The following RASA3 variants were observed in gnomAD, a reference collection of about 807,000 sequenced individuals.
The protein encoded by RASA3 is ras GTPase-activating protein 3.
In RASA3, 73 loss-of-function variants were observed where a neutral mutation model predicts 110.0. That is an observed-to-expected ratio of 0.66 (90% CI 0.55 to 0.81). RASA3 has a LOEUF of 0.81. Ranked by LOEUF, RASA3 falls within the 30% of genes least tolerant of loss-of-function variation. The probability of loss-of-function intolerance (pLI) is 0.00; values close to 1 mark genes in which losing one functional copy is unlikely to be tolerated. For synonymous variants in RASA3, 500 were observed against 451.4 expected, an observed-to-expected ratio of 1.11 and a Z score of -1.37; for missense variants, 976 against 1,113.2, an observed-to-expected ratio of 0.88 and a Z score of 1.75.
chr13:114,064,258 C>T (rs538843124), intron 2 of RASA3, among the ~76,000 whole-genome samples: 6 of 152,340 alleles, frequency 3.9e-5, no homozygotes, highest in East Asian at 1.9e-4. Flanking sequence ...CACGTCACCT[C>T]GTGGGCAGAA....
In RASA3 at chr13:114,065,431, G is replaced by C. The variant is rs994191536; in HGVS notation, c.173+8289C>G. Among the ~76,000 whole-genome samples, 9 of 152,184 alleles carry C rather than the reference G, an allele frequency of 5.9e-5. No homozygotes were observed. The highest frequency in any genetic ancestry group is 5.9e-4 in the Admixed American group (9 of 15,278). ...GTGAAGAGGAACCAAACCCCAAACC[G>C]GGTCTGCGAAGCAGCCCTGGGGCTC... On this transcript the variant is annotated intron_variant, in intron 2 of 23. Transcript: ENST00000334062. The surrounding 1 kb of genome is among the most constrained non-coding windows in gnomAD (Gnocchi z 4.1).
chr13:114,041,784 C>T (rs1264303248), intron 3 of RASA3, among the ~76,000 whole-genome samples: 1 of 152,362 alleles, frequency 6.6e-6, no homozygotes, highest in African/African-American at 2.4e-5. Context: ...TCCCACGCGA[C>T]GTGGGTTGGT....
At chr13:114,033,693 C>CACAGGGGGAATGGA (rs1370484612) in intron 4 of RASA3, among the ~76,000 whole-genome samples, 3 of 152,262 alleles carry the variant, frequency 2.0e-5, no homozygotes, top group Non-Finnish European at 4.4e-5. Context: ...GGCACCCCCA[C>CACAGGGGGAATGGA]ACTTGACCCA....
intron 22 of RASA3, among the ~76,000 whole-genome samples, chr13:113,991,650 A>T (rs976394508): frequency 2.0e-5 from 3 of 152,242 alleles, no homozygotes; most frequent in Non-Finnish European, 4.4e-5. Flanking sequence ...TCAATGTCAC[A>T]GATAATGATA....
chr13:113,979,137 G>T lies in RASA3; in HGVS notation c.*210C>A. 1.7e-6 allele frequency: 1 copy of T among 582,188 alleles called. No individual in the cohort carries two copies. The highest frequency in any genetic ancestry group is 2.1e-5 in the South Asian group (1 of 48,572). The allele number at this position is 582,188 out of a possible 1,614,324, so 36.1% of individuals were successfully genotyped here. On this transcript the variant is annotated 3_prime_UTR_variant, in exon 24 of 24. Coordinates refer to ENST00000334062, the MANE Select transcript of RASA3 (RefSeq NM_007368.4). The stretch of plus-strand genomic sequence containing the variant: ...AAAGCACAGAATCAAATGACGACAC[G>T]TTCCACAGGGCCAGGTGGGCTTTCT...
intron 21 of RASA3, among the ~76,000 whole-genome samples, chr13:113,994,094 G>A (rs1276393069): frequency 2.6e-5 from 4 of 152,228 alleles, no homozygotes; most frequent in South Asian, 2.1e-4. Context: ...TTTCTGAAAC[G>A]TCTGTAATTT....
chr13:114,010,814 G>A, intron 16 of RASA3, among the ~76,000 whole-genome samples: 1 of 151,298 alleles, frequency 6.6e-6, no homozygotes, highest in Non-Finnish European at 1.5e-5. Flanking sequence ...GGGGAGTAGG[G>A]GGCTGCGTGA....
In RASA3 at chr13:114,009,468, A is replaced by T. The variant is rs776564691; in HGVS notation, c.1591-4T>A. 1 of 1,603,156 alleles carries T rather than the reference A, an allele frequency of 6.2e-7. No homozygotes were observed. Among genetic ancestry groups the T allele is most frequent in the South Asian group, 1.1e-5 (1 of 90,842 alleles). On this transcript the variant is annotated splice_polypyrimidine_tract_variant and splice_region_variant and intron_variant, in intron 16 of 23. Transcript: ENST00000334062. ...TGTAGGACTCCTTAAAACTCGCCTA[A>T]AATGAAACGGAGATCACTCGAGGAC...
rs1231159076 is a variant in RASA3, at chr13:113,979,236, C to T, written c.*111G>A. The T allele has an allele frequency of 2.3e-5, 24 of 1,063,540 alleles. No individual in the cohort carries two copies. The highest frequency in any genetic ancestry group is 1.9e-4 in the Admixed American group (11 of 57,482). 65.9% of individuals were successfully genotyped at this position (1,063,540 alleles called of 1,614,324 possible). A position where few individuals can be genotyped will look rare whatever the true frequency, so the allele number is the denominator to read the frequency against. ...AGCGCCACTTGTCTATGGGCCGGGA[C>T]GGCGTGCATCTCACTTTGCCGGCTC... On this transcript the variant is annotated 3_prime_UTR_variant, in exon 24 of 24. Coordinates refer to ENST00000334062, the MANE Select transcript of RASA3 (RefSeq NM_007368.4).
In RASA3 at chr13:114,048,098, G is replaced by A. The variant is rs552278296; in HGVS notation, c.277+3954C>T. Among the ~76,000 whole-genome samples the A allele has an allele frequency of 2.5e-4, 38 of 152,252 alleles. No homozygotes were observed. In the Middle Eastern group the frequency reaches 0.02, roughly 82 times the overall value. On this transcript the variant is annotated intron_variant, in intron 3 of 23. Coordinates refer to ENST00000334062, the MANE Select transcript of RASA3 (RefSeq NM_007368.4). The surrounding 1 kb of genome is among the most constrained non-coding windows in gnomAD (Gnocchi z 4.3). Reference sequence around the variant, plus strand: ...TGGGAGGCCGAGGTGGGCGGATCACGAGGTCAGGAGATAGAGACCACCTTG... The same window carrying A: ...TGGGAGGCCGAGGTGGGCGGATCACAAGGTCAGGAGATAGAGACCACCTTG...
chr13:114,126,179 C>G (rs1187679821), intron 1 of RASA3, among the ~76,000 whole-genome samples: 1 of 146,968 alleles, frequency 6.8e-6, no homozygotes, highest in African/African-American at 2.5e-5. Context: ...TGTCCAACCT[C>G]GCACCCTCCA....
intron 16 of RASA3, among the ~76,000 whole-genome samples, chr13:114,009,816 G>T (rs1049064260): frequency 1.3e-5 from 2 of 152,242 alleles, no homozygotes; most frequent in Non-Finnish European, 2.9e-5. Context: ...TGGAGTCATA[G>T]GCCAGGGTCC....
intron 11 of RASA3, 64 bp from the exon 12 acceptor site, chr13:114,017,415 G>T: frequency 7.7e-7 from 1 of 1,306,862 alleles, no homozygotes; most frequent in Non-Finnish European, 1.1e-6. Flanking sequence ...ACGGAGCAGA[G>T]CCTGGCCCCG....
chr13:114,027,862 A>G lies in RASA3; in HGVS notation c.515T>C (p.Leu172Pro). The part of the protein sequence containing the change: ...GQCDPYATVT[L>P]AGPFRSEAKK... Reference sequence around the variant, plus strand: ...GGCAACTTGCCTGAAGGGTCCTGCCAGCGTCACGGTGGCGTAGGGGTCACA... The same window carrying G: ...GGCAACTTGCCTGAAGGGTCCTGCCGGCGTCACGGTGGCGTAGGGGTCACA... Residue 172 changes from leucine (L) to proline (P), a missense_variant, in exon 6 of 24, where the codon CTG becomes CCG. Coordinates refer to ENST00000334062, the MANE Select transcript of RASA3 (RefSeq NM_007368.4). 1 of 1,613,952 alleles carries G rather than the reference A, an allele frequency of 6.2e-7. No individual in the cohort carries two copies. Among genetic ancestry groups the G allele is most frequent in the Non-Finnish European group, 8.5e-7 (1 of 1,179,994 alleles).
chr13:114,013,894 T>TC (rs1292604674), intron 14 of RASA3, among the ~76,000 whole-genome samples: 3 of 30,946 alleles, frequency 9.7e-5, no homozygotes, highest in African/African-American at 4.4e-4. Flanking sequence ...GTCTCTCTCT[T>TC]TTTCTCTCTT....
Position 114,114,343 on chromosome 13 carries a change from T to C in RASA3, c.55+18092A>G, listed in dbSNP as rs2080253272. Among the ~76,000 whole-genome samples the C allele has an allele frequency of 6.6e-6, 1 of 152,238 alleles. No homozygotes were observed. The highest frequency in any genetic ancestry group is 2.1e-4 in the South Asian group (1 of 4,836). On this transcript the variant is annotated intron_variant, in intron 1 of 23. Transcript: ENST00000334062. The surrounding 1 kb of genome is among the most constrained non-coding windows in gnomAD (Gnocchi z 4.8). ...TTTCCTGGGGTTTCCTTTATTAGACTTGAGTCCAGAACTCCTCTAGAAACA... is the reference window on the plus strand; with the variant it reads ...TTTCCTGGGGTTTCCTTTATTAGACCTGAGTCCAGAACTCCTCTAGAAACA...
intron 1 of RASA3, among the ~76,000 whole-genome samples, chr13:114,091,672 T>C (rs2079890762): frequency 6.6e-6 from 1 of 151,852 alleles, no homozygotes; most frequent in African/African-American, 2.4e-5. Context: ...TTTAGTTTTC[T>C]TTTTGTGTTG....
chr13:114,019,339 T>C (rs1384652003), intron 9 of RASA3, among the ~76,000 whole-genome samples: 1 of 152,244 alleles, frequency 6.6e-6, no homozygotes, highest in East Asian at 1.9e-4. Flanking sequence ...CTAGTGAGCC[T>C]GGCAGGCCAC....
In RASA3 at chr13:114,115,406, G is replaced by A. The variant is rs570170183; in HGVS notation, c.55+17029C>T. On this transcript the variant is annotated intron_variant, in intron 1 of 23. Transcript: ENST00000334062. The surrounding 1 kb of genome is among the most constrained non-coding windows in gnomAD (Gnocchi z 5.0). Reference sequence around the variant, plus strand: ...GTGTCCCACAAAACATAAGGCTTGGGTTAGTGTCGGGCACGCGGGGGAGGT... The same window carrying A: ...GTGTCCCACAAAACATAAGGCTTGGATTAGTGTCGGGCACGCGGGGGAGGT... Among the ~76,000 whole-genome samples the A allele has an allele frequency of 4.6e-5, 7 of 152,344 alleles. No individual in the cohort carries two copies. In the South Asian group the frequency reaches 6.2e-4, roughly 14 times the overall value.
Sources: gnomAD v4.1 joint callset for allele counts (sites outside exome capture counted in the v4.1 genomes callset) on GRCh38, gnomAD v4.1.1 for gene constraint, Gnocchi (gnomAD v3.1) non-coding constraint, MANE v1.5 for transcripts, NCBI Gene and HGNC (gene_info 2026-07-23, HGNC 2026-07-21) for gene names.